Variants in LRRFIP1 observed in about 807,000 individuals in gnomAD.
LRRFIP1 encodes the protein leucine-rich repeat flightless-interacting protein 1.
Under a neutral mutation model 104.4 loss-of-function variants are expected in LRRFIP1, and 62 were observed. The ratio of observed to expected loss-of-function variants is 0.59; its 90% confidence interval spans 0.48 to 0.73. The LOEUF (loss-of-function observed/expected upper bound fraction) is 0.73, where lower values mean the gene tolerates loss of function less well. Among genes scored for constraint, LRRFIP1 ranks in the 30% least tolerant of loss-of-function variants. The pLI is 0.00. For missense variants in LRRFIP1, 796 were observed against 824.5 expected (o/e 0.97, Z 0.42); for synonymous variants, 300 against 299.0 (o/e 1.00, Z -0.03).
At chr2:237,748,689 C>T (rs1576208668) in intron 12 of LRRFIP1, among the ~76,000 whole-genome samples, 1 of 152,142 alleles carries the variant, frequency 6.6e-6, no homozygotes, top group Non-Finnish European at 1.5e-5. Context: ...AAATGATCCC[C>T]TCCTTACAGT....
chr2:237,723,807 C>T (rs2094624539), intron 7 of LRRFIP1, among the ~76,000 whole-genome samples: 1 of 152,250 alleles, frequency 6.6e-6, no homozygotes, highest in Non-Finnish European at 1.5e-5. Flanking sequence ...GCCCAGGCAT[C>T]TGTGCATGAA....
At chr2:237,740,663 A>T (rs2095388663) in intron 11 of LRRFIP1, among the ~76,000 whole-genome samples, 1 of 152,010 alleles carries the variant, frequency 6.6e-6, no homozygotes, top group South Asian at 2.1e-4. Flanking sequence ...GTCTTTTAAA[A>T]CTGTGAGGTT....
intron 19 of LRRFIP1, chr2:237,762,717 T>C (rs745645015): frequency 6.2e-7 from 1 of 1,614,202 alleles, no homozygotes; most frequent in East Asian, 2.2e-5. Flanking sequence ...AAGGACTGTG[T>C]GGACATAGAG....
At chr2:237,720,628 TC>T in intron 5 of LRRFIP1, 143 bp from the exon 6 acceptor site, 1 of 650,566 alleles carries the variant, frequency 1.5e-6, no homozygotes. Flanking sequence ...TAGACTGGTG[TC>T]CCCTGAGATG....
rs2094368192 is a variant in LRRFIP1 at position 237,717,187 on chromosome 2, C to A, written c.202-575C>A. On this transcript the variant is annotated intron_variant, in intron 3 of 23. Coordinates refer to ENST00000308482, the MANE Select transcript of LRRFIP1 (RefSeq NM_001137550.2). This position sits in a 1 kb window ranked among gnomAD's most constrained non-coding sequence, Gnocchi z 4.2. ...GCATATTTTTCTTCTGTACAAAGAC[C>A]TCTTCTGTAGGTGGCAGTCATCTCT... is the stretch of plus-strand genomic sequence containing the variant. Among the ~76,000 whole-genome samples, 1 of 152,080 alleles carries A rather than the reference C, an allele frequency of 6.6e-6. No homozygotes were observed. Among genetic ancestry groups the A allele is most frequent in the African/African-American group, 2.4e-5 (1 of 41,402 alleles).
intron 14 of LRRFIP1, 49 bp downstream of exon 14, chr2:237,751,320 TAAAA>T: frequency 8.7e-7 from 1 of 1,149,930 alleles, no homozygotes; most frequent in South Asian, 1.6e-5. Context: ...CAACTTAACT[TAAAA>T]AAAAAAACAA....
chr2:237,737,026 A>G (rs568936796), intron 10 of LRRFIP1, among the ~76,000 whole-genome samples: 2 of 152,266 alleles, frequency 1.3e-5, no homozygotes, highest in South Asian at 4.1e-4. Flanking sequence ...CCCAGCCCCA[A>G]GTGGTCGTGA....
intron 1 of LRRFIP1, among the ~76,000 whole-genome samples, chr2:237,628,361 T>C (rs894030659): frequency 9.9e-5 from 15 of 152,194 alleles, no homozygotes; most frequent in African/African-American, 3.6e-4. Context: ...TTATTGTAAC[T>C]AAGATCATGT....
At chr2:237,757,637 C>G in intron 17 of LRRFIP1, 89 bp downstream of exon 17, 1 of 925,116 alleles carries the variant, frequency 1.1e-6, no homozygotes, top group Non-Finnish European at 1.7e-6. Context: ...TGCAAAACCG[C>G]TTGTCTGAGT....
chr2:237,646,449 A>G (rs956878112), intron 1 of LRRFIP1, among the ~76,000 whole-genome samples: 1 of 151,544 alleles, frequency 6.6e-6, no homozygotes, highest in Non-Finnish European at 1.5e-5. Flanking sequence ...GTGTGAGAAC[A>G]TGCGGTGTTT....
chr2:237,736,074 A>G (rs2095236971), intron 10 of LRRFIP1, among the ~76,000 whole-genome samples: 1 of 152,168 alleles, frequency 6.6e-6, no homozygotes, highest in African/African-American at 2.4e-5. Context: ...TGCTTTTATA[A>G]TTTTGCTTTT....
chr2:237,740,822 G>A (rs2095394070), intron 11 of LRRFIP1, among the ~76,000 whole-genome samples: 1 of 151,960 alleles, frequency 6.6e-6, no homozygotes, highest in Admixed American at 6.6e-5. Context: ...CTATTTTCGT[G>A]ACCCCGAGGC....
intron 19 of LRRFIP1, chr2:237,762,923 C>T (rs1576372403): frequency 1.2e-6 from 2 of 1,614,088 alleles, no homozygotes; most frequent in African/African-American, 2.7e-5. Flanking sequence ...GACCAGAACT[C>T]CCCTTGAGCC....
At chr2:237,738,236 T>C (rs1375498547) in intron 10 of LRRFIP1, among the ~76,000 whole-genome samples, 3 of 151,354 alleles carry the variant, frequency 2.0e-5, no homozygotes, top group Non-Finnish European at 4.4e-5. Context: ...CCCCTGAAGA[T>C]CTGGATGAGA....
At position 237,713,526 on chromosome 2, in the gene LRRFIP1, G is replaced by A. The variant is rs114649460; in HGVS notation, c.184-733G>A. On this transcript the variant is annotated intron_variant, in intron 2 of 23. Transcript: ENST00000308482. ...GTTTCTTACAGTCATATTGTTGGAT[G>A]TAGTCACATGTGTTCCCCCATATAA... Among the ~76,000 whole-genome samples the A allele has an allele frequency of 8.8e-3, 1,343 of 152,154 alleles. 20 individuals are homozygous for A. The highest frequency in any genetic ancestry group is 0.03 in the African/African-American group (1,246 of 41,398).
chr2:237,779,106 C>T (rs574594264), intron 23 of LRRFIP1, among the ~76,000 whole-genome samples: 3 of 152,114 alleles, frequency 2.0e-5, no homozygotes, highest in South Asian at 2.1e-4. Context: ...CCTGTAGTCC[C>T]GGGAGGCTGA....
rs149873484 is a variant in LRRFIP1, at chr2:237,778,198, A to G, written c.1813-1224A>G. ...GATTTTAATTTGTAGGAATAACTCC[A>G]GGCTTAACTTGTGGAAACTTCCTGC... On this transcript the variant is annotated intron_variant, in intron 23 of 23. Transcript: ENST00000308482. Among the ~76,000 whole-genome samples, 1,187 of 152,310 alleles carry G rather than the reference A, an allele frequency of 7.8e-3. 13 individuals are homozygous for G. The highest frequency in any genetic ancestry group is 0.027 in the African/African-American group (1,131 of 41,562).
chr2:237,737,429 C>T (rs2095285629), intron 10 of LRRFIP1, among the ~76,000 whole-genome samples: 1 of 152,200 alleles, frequency 6.6e-6, no homozygotes, highest in Admixed American at 6.5e-5. Flanking sequence ...CCACATAACT[C>T]CTAAACATAA....
chr2:237,763,816 A>G (rs200137214), intron 19 of LRRFIP1: 4 of 1,614,072 alleles, frequency 2.5e-6, no homozygotes, highest in Non-Finnish European at 2.5e-6. Flanking sequence ...AAGGTGTTGC[A>G]AAAGATAATG....
Sources: gnomAD v4.1 joint callset for allele counts (sites outside exome capture counted in the v4.1 genomes callset) on GRCh38, gnomAD v4.1.1 for gene constraint, Gnocchi (gnomAD v3.1) non-coding constraint, MANE v1.5 for transcripts, NCBI Gene and HGNC (gene_info 2026-07-23, HGNC 2026-07-21) for gene names.